Variants in CLEC16A observed in about 807,000 individuals in gnomAD.
CLEC16A encodes the protein protein CLEC16A.
CLEC16A carries 51 observed loss-of-function variants against 109.5 expected under a neutral mutation model. The ratio of observed to expected loss-of-function variants is 0.47; its 90% CI spans 0.37 to 0.59. The LOEUF (loss-of-function observed/expected upper bound fraction) is 0.59, where lower values mean the gene tolerates loss of function less well. CLEC16A is among the 20% of genes least tolerant of loss of function. The probability of loss-of-function intolerance (pLI) is 0.00; values close to 1 mark genes in which losing one functional copy is unlikely to be tolerated. For missense variants in CLEC16A, 1,339 were observed against 1,394.0 expected, an observed-to-expected ratio of 0.96 and a Z score of 0.63; for synonymous variants, 673 against 564.2, an observed-to-expected ratio of 1.19 and a Z score of -2.73.
chr16:11,130,244 G>C (rs150865105), intron 22 of CLEC16A, among the ~76,000 whole-genome samples: 2 of 152,154 alleles, frequency 1.3e-5, no homozygotes, highest in Admixed American at 6.5e-5. Context: ...TGAAGAATGA[G>C]CCTGCATTTG....
intron 19 of CLEC16A, among the ~76,000 whole-genome samples, chr16:11,104,978 T>C (rs11642631): frequency 0.55 from 84,262 of 152,082 alleles, 25,942 homozygotes; most frequent in African/African-American, 0.84. Context: ...AGAGGAGCTG[T>C]GTGAACCTAG....
intron 22 of CLEC16A, among the ~76,000 whole-genome samples, chr16:11,139,749 GT>G (rs1283629239): frequency 6.6e-6 from 1 of 152,200 alleles, no homozygotes; most frequent in Non-Finnish European, 1.5e-5. Context: ...GAACTGCAAA[GT>G]TTGGACTGTG....
chr16:11,148,027 C>A (rs2054140074), intron 22 of CLEC16A, among the ~76,000 whole-genome samples: 1 of 152,184 alleles, frequency 6.6e-6, no homozygotes, highest in Non-Finnish European at 1.5e-5. Context: ...GTTTCCTTTT[C>A]TTTCCTGTAA....
intron 19 of CLEC16A, among the ~76,000 whole-genome samples, chr16:11,097,075 T>C (rs376220162): frequency 1.9e-4 from 29 of 152,302 alleles, no homozygotes; most frequent in African/African-American, 6.3e-4. Context: ...TTTTCCCTTT[T>C]TAAGTCCTCC....
At chr16:11,172,019 C>A (rs2068535307) in intron 23 of CLEC16A, among the ~76,000 whole-genome samples, 1 of 152,224 alleles carries the variant, frequency 6.6e-6, no homozygotes, top group East Asian at 1.9e-4. Flanking sequence ...CTCACACTTA[C>A]AAATGTGCAT....
intron 1 of CLEC16A, among the ~76,000 whole-genome samples, chr16:10,948,128 T>C (rs12935412): frequency 0.17 from 25,954 of 151,996 alleles, 2,733 homozygotes; most frequent in South Asian, 0.24. Flanking sequence ...CTCCTGACCT[T>C]GTGATCTGCC....
chr16:10,971,528 G>T, intron 5 of CLEC16A: 1 of 983,250 alleles, frequency 1.0e-6, no homozygotes, highest in Non-Finnish European at 1.2e-6. Context: ...AGAAAGCAAA[G>T]TTGTCTTTTT....
Position 11,142,471 on chromosome 16 carries a change from C to T in CLEC16A, c.2641+16325C>T, listed in dbSNP as rs1010635093. Among the ~76,000 whole-genome samples, 5 of 152,246 alleles carry T rather than the reference C, an allele frequency of 3.3e-5. No homozygotes were observed. The South Asian group carries it at 8.3e-4, about 25-fold the overall frequency. On this transcript the variant is annotated intron_variant, in intron 22 of 23. Coordinates refer to ENST00000409790, the MANE Select transcript of CLEC16A (RefSeq NM_015226.3). ...CTTCATGAGCCGAGTGGCATTTGCCCGATAGGTGTGATGTGTCAACAGCTT... is the reference window on the plus strand; with the variant it reads ...CTTCATGAGCCGAGTGGCATTTGCCTGATAGGTGTGATGTGTCAACAGCTT...
intron 19 of CLEC16A, among the ~76,000 whole-genome samples, chr16:11,093,336 G>A (rs1017293794): frequency 6.6e-6 from 1 of 152,182 alleles, no homozygotes; most frequent in African/African-American, 2.4e-5. Flanking sequence ...TGCGGTTACC[G>A]TGGCCATACT....
chr16:11,037,139 A>G (rs2047067153), intron 13 of CLEC16A, among the ~76,000 whole-genome samples: 1 of 152,178 alleles, frequency 6.6e-6, no homozygotes, highest in African/African-American at 2.4e-5. Flanking sequence ...TAGGCTTCTC[A>G]TTCCTGCTGT....
intron 17 of CLEC16A, among the ~76,000 whole-genome samples, chr16:11,051,234 G>C (rs143647923): frequency 1.3e-5 from 2 of 152,328 alleles, no homozygotes; most frequent in East Asian, 3.9e-4. Context: ...GAGAGAATGC[G>C]AAGAGGAGCA....
intron 10 of CLEC16A, among the ~76,000 whole-genome samples, chr16:10,985,727 A>T (rs1357561495): frequency 6.6e-6 from 1 of 150,548 alleles, no homozygotes; most frequent in African/African-American, 2.4e-5. Flanking sequence ...ATTTTTATTT[A>T]TTTATTTATT....
At chr16:11,091,118 C>T (rs955690625) in intron 19 of CLEC16A, among the ~76,000 whole-genome samples, 1 of 152,160 alleles carries the variant, frequency 6.6e-6, no homozygotes, top group Non-Finnish European at 1.5e-5. Flanking sequence ...GCCTTTAAAG[C>T]GCCTAATCTC....
In CLEC16A at chr16:11,044,045, T is replaced by C. The variant is rs2047497180; in HGVS notation, c.1788T>C (p.Ser596=). Residue 596 remains serine, a synonymous_variant, in exon 16 of 24, where the codon AGT becomes AGC. Transcript: ENST00000409790. ...LACLEGAREE[S]VHLVRHFYKG... ...TTTAACAGGGTGCGAGAGAAGAAAG[T>C]GTTCACCTTGTACGACATTTTTATA... 1 of 1,609,702 alleles carries C rather than the reference T, an allele frequency of 6.2e-7. No homozygotes were observed. The highest frequency in any genetic ancestry group is 1.3e-5 in the African/African-American group (1 of 74,952).
At chr16:11,018,942 A>T (rs2045929803) in intron 11 of CLEC16A, among the ~76,000 whole-genome samples, 1 of 151,982 alleles carries the variant, frequency 6.6e-6, no homozygotes, top group South Asian at 2.1e-4. Context: ...TGAACAGAGG[A>T]GTGACATGAG....
Position 11,096,930 on chromosome 16 carries a change from G to A in CLEC16A, c.2117-23685G>A, listed in dbSNP as rs1000164604. On this transcript the variant is annotated intron_variant, in intron 19 of 23. Transcript: ENST00000409790. ...ATAAACGGTACAGGTGGTACAACTA[G>A]GAAAAAATCCTTAGGATGGTCAGGA... is the stretch of plus-strand genomic sequence containing the variant. 3.9e-5 allele frequency among the ~76,000 whole-genome samples: 6 copies of A among 152,218 alleles called. No individual in the cohort carries two copies. The East Asian group carries it at 9.6e-4, about 24-fold the overall frequency.
chr16:11,149,382 C>G (rs994033125), intron 22 of CLEC16A, among the ~76,000 whole-genome samples: 2 of 152,122 alleles, frequency 1.3e-5, no homozygotes, highest in Non-Finnish European at 2.9e-5. Flanking sequence ...AATCACAATC[C>G]TATCAACCCA....
intron 16 of CLEC16A, among the ~76,000 whole-genome samples, chr16:11,044,512 A>G (rs2047529027): frequency 1.3e-5 from 2 of 152,272 alleles, no homozygotes; most frequent in Admixed American, 1.3e-4. Flanking sequence ...ATATGTGCTA[A>G]GAAACCTTAT....
At chr16:10,945,417 C>T (rs1335847148) in intron 1 of CLEC16A, among the ~76,000 whole-genome samples, 6 of 151,978 alleles carry the variant, frequency 3.9e-5, no homozygotes, top group Non-Finnish European at 8.8e-5. Flanking sequence ...GATTTTGGGG[C>T]GATTGGGGAG....
Sources: gnomAD v4.1 joint callset for allele counts (sites outside exome capture counted in the v4.1 genomes callset) on GRCh38, gnomAD v4.1.1 for gene constraint, MANE v1.5 for transcripts, NCBI Gene and HGNC (gene_info 2026-07-23, HGNC 2026-07-21) for gene names.